Variants in NAP1L4 observed in about 807,000 individuals in gnomAD.
NAP1L4 encodes the protein nucleosome assembly protein 1-like 4.
A neutral mutation model predicts 58.2 loss-of-function variants in NAP1L4; 15 were observed. The observed-to-expected ratio is 0.26, with a 90% confidence interval of 0.17 to 0.40. The LOEUF (loss-of-function observed/expected upper bound fraction) is 0.40. Among genes scored for constraint, NAP1L4 ranks in the 10% least tolerant of loss-of-function variants. The pLI is 1.00. For synonymous variants in NAP1L4, 171 were observed against 155.6 expected (o/e 1.10, Z -0.74); for missense variants, 384 against 451.1 (o/e 0.85, Z 1.35).
Position 2,976,101 on chromosome 11 carries a change from C to T in NAP1L4, c.96G>A (p.Met32Ile). Residue 32 changes from methionine (M) to isoleucine (I), a missense_variant, in exon 4 of 16, where the codon ATG (methionine) becomes ATA (isoleucine). By Grantham distance (10) the Met-to-Ile change is conservative. Transcript: ENST00000380542. ...SNTEKLTDQV[M>I]QNPRVLAALQ... is the part of the protein sequence containing the mutation. ...AAGCTGCCAGAACTCGAGGATTCTG[C>T]ATCACCTGATCTGTGAGCTTTTCTA... is the stretch of plus-strand genomic sequence containing the variant. 6.2e-7 allele frequency: 1 copy of T among 1,613,920 alleles called. No homozygotes were observed. The highest frequency in any genetic ancestry group is 8.5e-7 in the Non-Finnish European group (1 of 1,179,954).
intron 9 of NAP1L4, chr11:2,958,989 A>G (rs116723668): frequency 0.023 from 4,197 of 181,022 alleles, 191 homozygotes; most frequent in African/African-American, 0.094. Flanking sequence ...AGACCACTCC[A>G]GCCCCAGGGA....
At chr11:2,956,284 T>G (rs1457503209) in intron 10 of NAP1L4, among the ~76,000 whole-genome samples, 2 of 152,060 alleles carry the variant, frequency 1.3e-5, no homozygotes, top group South Asian at 2.1e-4. Context: ...GGGGCCCCTG[T>G]AGAGTGGCGC....
At chr11:2,974,905 G>C (rs1347936649) in intron 4 of NAP1L4, among the ~76,000 whole-genome samples, 2 of 152,184 alleles carry the variant, frequency 1.3e-5, no homozygotes, top group Non-Finnish European at 2.9e-5. Context: ...GCGTGCACCT[G>C]CAATTCCAGC....
At chr11:2,952,919 G>A (rs938861084) in intron 12 of NAP1L4, 1 of 151,700 alleles carries the variant, frequency 6.6e-6, no homozygotes, top group African/African-American at 2.4e-5. Flanking sequence ...CAACTTTCTA[G>A]TGTTGGGGTA....
rs755080544 is a variant in NAP1L4, at chr11:2,972,219, T to C, written c.198A>G (p.Arg66=). The C allele has an allele frequency of 6.2e-7, 1 of 1,610,384 alleles. No individual in the cohort carries two copies. The highest frequency in any genetic ancestry group is 8.5e-7 in the Non-Finnish European group (1 of 1,179,046). The change falls in exon 5 of 16, where the codon AGA becomes AGG. Residue 66 remains arginine, a synonymous_variant. Transcript: ENST00000380542. ...IETLPKAVKR[R]INALKQLQVR... ...CCTGAAGTTGTTTCAATGCATTAAT[T>C]CTTCTTTTTACTGCTTTAGGTAAAC...
rs566379864 is a variant in NAP1L4 at position 2,973,838 on chromosome 11, G to A, written c.174-1595C>T. ...GGCTGCAGTGCACTGGTGCGATCTC[G>A]GCTCACTGTAGCCTCAACTTTCTGG... On this transcript the variant is annotated intron_variant, in intron 4 of 15. Transcript: ENST00000380542. Among the ~76,000 whole-genome samples, 29 of 152,092 alleles carry A rather than the reference G, an allele frequency of 1.9e-4. No homozygotes were observed. In the East Asian group the frequency reaches 2.5e-3, roughly 13 times the overall value.
intron 4 of NAP1L4, 88 bp downstream of exon 4, chr11:2,975,936 C>A: frequency 1.7e-6 from 2 of 1,152,482 alleles, no homozygotes; most frequent in South Asian, 2.9e-5. Context: ...AACATTTAAT[C>A]CTGTTCTGGG....
chr11:2,955,745 A>C lies in NAP1L4; in HGVS notation c.914T>G (p.Leu305Arg). 6.2e-7 allele frequency: 1 copy of C among 1,612,536 alleles called. No individual in the cohort carries two copies. Among genetic ancestry groups the C allele is most frequent in the Non-Finnish European group, 8.5e-7 (1 of 1,178,942 alleles). ...PLKASGDGES[L>R]DEDSEFTLAS... ...AAGACTATTAACAACAAATCTTACCAGTGATTCTCCATCCCCGGATGCTAG... is the reference window on the plus strand; with the variant it reads ...AAGACTATTAACAACAAATCTTACCCGTGATTCTCCATCCCCGGATGCTAG... The change falls in exon 11 of 16, where the codon CTG (leucine) becomes CGG (arginine). Residue 305 changes from leucine (L) to arginine (R), a missense_variant and splice_region_variant. Transcript: ENST00000380542. The surrounding 1 kb of genome is among the most constrained non-coding windows in gnomAD (Gnocchi z 4.2).
At chr11:2,945,707 C>CCAAT (rs1227644366) in intron 15 of NAP1L4, 61 bp from the exon 16 acceptor site, 1 of 1,368,578 alleles carries the variant, frequency 7.3e-7, no homozygotes, top group Non-Finnish European at 9.9e-7. Context: ...CCAATTAGCT[C>CCAAT]CAATCAACAA....
At chr11:2,976,185 C>A (rs1001734461) in intron 3 of NAP1L4, 62 bp from the exon 4 acceptor site, 49 of 1,264,910 alleles carry the variant, frequency 3.9e-5, no homozygotes, top group Non-Finnish European at 5.6e-6. Context: ...AGCCAAGAGT[C>A]AAAAATTAGT....
At position 2,954,802 on chromosome 11, in the gene NAP1L4, C is replaced by A; in HGVS notation, c.916-156G>T. 1.1e-6 allele frequency: 1 copy of A among 945,974 alleles called. No individual in the cohort carries two copies. Among genetic ancestry groups the A allele is most frequent in the Non-Finnish European group, 1.6e-6 (1 of 621,946 alleles). 58.6% of individuals were successfully genotyped at this position (945,974 alleles called of 1,614,324 possible). A position where few individuals can be genotyped will look rare whatever the true frequency, so the allele number is the denominator to read the frequency against. On this transcript the variant is annotated intron_variant, in intron 11 of 15. Coordinates refer to ENST00000380542, the MANE Select transcript of NAP1L4 (RefSeq NM_005969.4). The surrounding 1 kb of genome is among the most constrained non-coding windows in gnomAD (Gnocchi z 4.8). The stretch of plus-strand genomic sequence containing the variant: ...GGGGACAGCCACTAGACACTCAAAG[C>A]CCCTTTAAAACAACTTTAAGTAGCT...
intron 7 of NAP1L4, among the ~76,000 whole-genome samples, chr11:2,965,143 AG>A (rs771363973): frequency 8.5e-5 from 13 of 152,260 alleles, no homozygotes; most frequent in Non-Finnish European, 1.6e-4. Flanking sequence ...GAGAAAGAGC[AG>A]AAGCCTGGAA....
intron 8 of NAP1L4, among the ~76,000 whole-genome samples, chr11:2,960,793 G>A (rs984592266): frequency 6.6e-6 from 1 of 152,134 alleles, no homozygotes; most frequent in Non-Finnish European, 1.5e-5. Context: ...TGGATGCATC[G>A]ATATGTGCAA....
At chr11:2,985,101 GAA>G (rs993117323) in intron 1 of NAP1L4, among the ~76,000 whole-genome samples, 12 of 152,178 alleles carry the variant, frequency 7.9e-5, no homozygotes, top group African/African-American at 2.2e-4. Context: ...TTTTGTGCAT[GAA>G]ACAAAGTTTT....
At chr11:2,960,056 A>G in intron 8 of NAP1L4, 147 bp from the exon 9 acceptor site, 1 of 785,406 alleles carries the variant, frequency 1.3e-6, no homozygotes, top group Non-Finnish European at 2.0e-6. Flanking sequence ...CCACCGCAAA[A>G]AAGACTAGCG....
intron 3 of NAP1L4, among the ~76,000 whole-genome samples, 171 bp from the exon 4 acceptor site, chr11:2,976,294 T>C (rs753354202): frequency 6.6e-6 from 1 of 152,232 alleles, no homozygotes; most frequent in Non-Finnish European, 1.5e-5. Context: ...TTAAAATTTA[T>C]TTTAAGAGCA....
At chr11:2,947,912 G>A (rs1484996347) in intron 15 of NAP1L4, among the ~76,000 whole-genome samples, 1 of 152,262 alleles carries the variant, frequency 6.6e-6, no homozygotes, top group East Asian at 1.9e-4. Context: ...GAGCCCTATG[G>A]CTGAAGAGGC....
chr11:2,966,058 G>A (rs1847258225), intron 7 of NAP1L4, among the ~76,000 whole-genome samples: 3 of 152,206 alleles, frequency 2.0e-5, no homozygotes, highest in South Asian at 4.1e-4. Context: ...TCAGAAACAC[G>A]CACTGGCAGC....
intron 1 of NAP1L4, among the ~76,000 whole-genome samples, chr11:2,984,348 G>T (rs980879400): frequency 6.6e-6 from 1 of 152,046 alleles, no homozygotes; most frequent in South Asian, 2.1e-4. Flanking sequence ...CGAGGCGAGC[G>T]GATCATCTGA....
Sources: gnomAD v4.1 joint callset for allele counts (sites outside exome capture counted in the v4.1 genomes callset) on GRCh38, gnomAD v4.1.1 for gene constraint, Gnocchi (gnomAD v3.1) non-coding constraint, MANE v1.5 for transcripts, NCBI Gene and HGNC (gene_info 2026-07-23, HGNC 2026-07-21) for gene names.